CACNA2D3: variants seen among roughly 807,000 people sequenced by gnomAD.
CACNA2D3 encodes the protein calcium voltage-gated channel auxiliary subunit alpha2delta 3, also known as voltage-dependent calcium channel subunit alpha-2/delta-3.
CACNA2D3 carries 60 observed loss-of-function variants against 160.6 expected under a neutral mutation model. That is an observed-to-expected ratio of 0.37 (90% CI 0.30 to 0.46). CACNA2D3 has a LOEUF of 0.46. CACNA2D3 is among the 20% of genes least tolerant of loss of function. The pLI is 1.00. For synonymous variants in CACNA2D3, 558 were observed against 492.9 expected (o/e 1.13, Z -1.75); for missense variants, 1,205 against 1,365.0 (o/e 0.88, Z 1.85).
chr3:54,561,783 G>A (rs978603423), intron 5 of CACNA2D3, among the ~76,000 whole-genome samples: 4 of 152,126 alleles, frequency 2.6e-5, no homozygotes, highest in African/African-American at 9.7e-5. Context: ...ATCTGTATTG[G>A]CCTGTTCCCA....
At chr3:54,212,222 G>A (rs959045098) in intron 2 of CACNA2D3, among the ~76,000 whole-genome samples, 28 of 152,174 alleles carry the variant, frequency 1.8e-4, no homozygotes, top group African/African-American at 6.8e-4. Context: ...AAGGTGGTCG[G>A]GGTACAGCTT....
At chr3:54,918,416 T>C in intron 27 of CACNA2D3, 1 of 1,462,620 alleles carries the variant, frequency 6.8e-7, no homozygotes. Flanking sequence ...TCAGACACTA[T>C]CTTCTGGCCT....
chr3:54,450,602 G>C (rs939971545), intron 4 of CACNA2D3, among the ~76,000 whole-genome samples: 2 of 152,026 alleles, frequency 1.3e-5, no homozygotes, highest in Admixed American at 6.6e-5. Flanking sequence ...AGTGCTGGTT[G>C]TTAAAAAGCG....
At chr3:54,741,117 G>A (rs1189749929) in intron 11 of CACNA2D3, among the ~76,000 whole-genome samples, 1 of 152,154 alleles carries the variant, frequency 6.6e-6, no homozygotes, top group Non-Finnish European at 1.5e-5. Context: ...GGCAGGGGGA[G>A]GCAAAGGGAG....
intron 5 of CACNA2D3, among the ~76,000 whole-genome samples, chr3:54,539,065 A>G (rs1189318706): frequency 6.6e-6 from 1 of 152,176 alleles, no homozygotes; most frequent in African/African-American, 2.4e-5. Context: ...TTTTGATTCA[A>G]TGTGTTGTCA....
Position 54,885,399 on chromosome 3 carries a change from C to G in CACNA2D3, c.1958+73C>G. On this transcript the variant is annotated intron_variant, in intron 22 of 37. Coordinates refer to ENST00000474759, the MANE Select transcript of CACNA2D3 (RefSeq NM_018398.3). ...TCTTTGATTCCACATGGTTTGTGCT[C>G]CCTTGCCCAGTTTTCCTGATTCCAA... 2.5e-6 allele frequency: 4 copies of G among 1,602,350 alleles called. No homozygotes were observed. The South Asian group carries it at 3.3e-5, about 13-fold the overall frequency.
chr3:54,424,947 G>A (rs1025523975), intron 4 of CACNA2D3, among the ~76,000 whole-genome samples: 1 of 152,204 alleles, frequency 6.6e-6, no homozygotes, highest in Non-Finnish European at 1.5e-5. Context: ...AGAGCTGGAC[G>A]TGGGGGTACA....
At chr3:54,581,736 T>G in intron 8 of CACNA2D3, 67 bp from the exon 9 acceptor site, 1 of 1,329,850 alleles carries the variant, frequency 7.5e-7, no homozygotes, top group Non-Finnish European at 1.1e-6. Context: ...CGTACCTCCT[T>G]AAATTATTAA....
intron 4 of CACNA2D3, among the ~76,000 whole-genome samples, chr3:54,493,929 T>C (rs7375043): frequency 0.99 from 150,824 of 152,358 alleles, 74,669 homozygotes; most frequent in Middle Eastern, 1. Context: ...ACAGAAAAAG[T>C]TTGCTGGCCC....
At chr3:54,612,701 C>T (rs550079417) in intron 9 of CACNA2D3, among the ~76,000 whole-genome samples, 39 of 152,186 alleles carry the variant, frequency 2.6e-4, no homozygotes, top group Non-Finnish European at 3.7e-4. Context: ...AGGTCCAGGG[C>T]GCTGGGAAGA....
intron 11 of CACNA2D3, among the ~76,000 whole-genome samples, chr3:54,644,440 T>G (rs1699592629): frequency 6.6e-6 from 1 of 152,220 alleles, no homozygotes; most frequent in Non-Finnish European, 1.5e-5. Context: ...CTTTATGAAC[T>G]TCCATGTGAA....
chr3:54,415,624 T>C (rs111294915), intron 4 of CACNA2D3, among the ~76,000 whole-genome samples: 31 of 152,328 alleles, frequency 2.0e-4, no homozygotes, highest in African/African-American at 7.0e-4. Flanking sequence ...GACACCATTA[T>C]TGATAATGTG....
At chr3:54,241,388 G>A (rs1319296411) in intron 2 of CACNA2D3, among the ~76,000 whole-genome samples, 1 of 152,144 alleles carries the variant, frequency 6.6e-6, no homozygotes, top group Non-Finnish European at 1.5e-5. Context: ...TATTATAGAA[G>A]AGAAAAGCCA....
At chr3:54,664,735 G>C (rs1013912105) in intron 11 of CACNA2D3, among the ~76,000 whole-genome samples, 1 of 152,238 alleles carries the variant, frequency 6.6e-6, no homozygotes, top group East Asian at 1.9e-4. Flanking sequence ...CCTGTAGATG[G>C]GAAAGGGCTG....
intron 3 of CACNA2D3, among the ~76,000 whole-genome samples, chr3:54,360,987 A>C (rs1440215035): frequency 1.3e-5 from 2 of 152,064 alleles, no homozygotes; most frequent in Non-Finnish European, 2.9e-5. Flanking sequence ...TATAGTAAAA[A>C]TTTCAAAAAA....
intron 2 of CACNA2D3, among the ~76,000 whole-genome samples, chr3:54,266,246 A>G (rs1403722651): frequency 6.6e-6 from 1 of 152,214 alleles, no homozygotes; most frequent in Non-Finnish European, 1.5e-5. Flanking sequence ...ATGAGATCTT[A>G]GTAATGCTTC....
intron 14 of CACNA2D3, among the ~76,000 whole-genome samples, chr3:54,828,844 G>C (rs933638950): frequency 1.3e-5 from 2 of 152,220 alleles, no homozygotes; most frequent in African/African-American, 2.4e-5. Flanking sequence ...GATTCAGTAA[G>C]AAGAGGGAAA....
chr3:54,267,012 G>C (rs139047823), intron 2 of CACNA2D3, among the ~76,000 whole-genome samples: 1 of 152,112 alleles, frequency 6.6e-6, no homozygotes, highest in Non-Finnish European at 1.5e-5. Context: ...AATGTGAAAT[G>C]GGGGGAGGCT....
intron 31 of CACNA2D3, among the ~76,000 whole-genome samples, chr3:54,998,350 T>G (rs1207273084): frequency 6.6e-6 from 1 of 152,128 alleles, no homozygotes. Context: ...GCCAGGCTAG[T>G]CTTGAACTCC....
Sources: gnomAD v4.1 joint callset for allele counts (sites outside exome capture counted in the v4.1 genomes callset) on GRCh38, gnomAD v4.1.1 for gene constraint, MANE v1.5 for transcripts, NCBI Gene and HGNC (gene_info 2026-07-23, HGNC 2026-07-21) for gene names.